Variants in GLT8D2 observed in about 807,000 individuals in gnomAD.
The protein encoded by GLT8D2 is glycosyltransferase 8 domain containing 2, also known as glycosyltransferase 8 domain-containing protein 2.
Under a neutral mutation model 44.5 loss-of-function variants are expected in GLT8D2, and 45 were observed. That is an observed-to-expected ratio of 1.01 (90% CI 0.80 to 1.30). The LOEUF (loss-of-function observed/expected upper bound fraction) is 1.30, where lower values mean the gene tolerates loss of function less well. GLT8D2 is among the 50% of genes most tolerant of loss of function. The pLI, the probability that GLT8D2 is intolerant of heterozygous loss-of-function variation, is 0.00. For synonymous variants in GLT8D2, 156 were observed against 157.2 expected (o/e 0.99, Z 0.06); for missense variants, 400 against 430.4 (o/e 0.93, Z 0.62).
At chr12:104,012,823 A>G in intron 4 of GLT8D2, 1 of 698,054 alleles carries the variant, frequency 1.4e-6, no homozygotes, top group South Asian at 1.5e-5. Context: ...TAAGACTGGT[A>G]TCCTAATAAA....
In GLT8D2 at chr12:104,003,256, TCAC is replaced by T; in HGVS notation, c.160_162del (p.Val54del). On this transcript the variant is annotated inframe_deletion, in exon 5 of 11. Coordinates refer to ENST00000360814, the MANE Select transcript of GLT8D2 (RefSeq NM_001384711.1). ...CCCATCCTCCCTGCTGCAGCACAAA[TCAC>T]CACAGGAATCTCTTCTTCCAGTTCT... 6.2e-7 allele frequency: 1 copy of T among 1,614,098 alleles called. No individual in the cohort carries two copies. The highest frequency in any genetic ancestry group is 8.5e-7 in the Non-Finnish European group (1 of 1,179,998).
chr12:104,033,366 C>A (rs921963869), intron 1 of GLT8D2, among the ~76,000 whole-genome samples: 1 of 151,986 alleles, frequency 6.6e-6, no homozygotes, highest in East Asian at 1.9e-4. Context: ...TATGGGTGAG[C>A]CTGGAGGACA....
chr12:104,012,370 C>G (rs1185499770), intron 4 of GLT8D2, among the ~76,000 whole-genome samples: 1 of 152,044 alleles, frequency 6.6e-6, no homozygotes, highest in African/African-American at 2.4e-5. Flanking sequence ...AAAATTTTAA[C>G]ACTGAATGGA....
chr12:104,029,403 G>A (rs1262536525), intron 1 of GLT8D2, among the ~76,000 whole-genome samples: 2 of 152,164 alleles, frequency 1.3e-5, no homozygotes, highest in African/African-American at 4.8e-5. Flanking sequence ...AATTTCCTGA[G>A]AGAATAAATG....
intron 7 of GLT8D2, 34 bp from the exon 8 acceptor site, chr12:103,996,881 T>C (rs752211940): frequency 2.0e-6 from 3 of 1,480,368 alleles, no homozygotes; most frequent in South Asian, 1.2e-5. Context: ...TAAAACATTA[T>C]AGCATTTGTT....
chr12:103,991,844 AAG>A (rs1872776956), intron 10 of GLT8D2, among the ~76,000 whole-genome samples: 1 of 150,316 alleles, frequency 6.7e-6, no homozygotes, highest in Admixed American at 6.7e-5. Context: ...AAAAAAAAAA[AAG>A]ATTATGGGAC....
chr12:103,993,432 T>C lies in GLT8D2; in HGVS notation c.840A>G (p.Lys280=). Residue 280 remains lysine (K), a synonymous_variant, in exon 10 of 11, where the codon AAA becomes AAG. Coordinates refer to ENST00000360814, the MANE Select transcript of GLT8D2 (RefSeq NM_001384711.1). ...GCCACAGGGGGTTAATTGTGGAATA[T>C]TTCCCATGAAACACAATCAGCATTG... ...TSPMLIVFHG[K]YSTINPLWHI... 6.2e-7 allele frequency: 1 copy of C among 1,614,136 alleles called. No individual in the cohort carries two copies. The highest frequency in any genetic ancestry group is 1.1e-5 in the South Asian group (1 of 91,088).
intron 4 of GLT8D2, among the ~76,000 whole-genome samples, chr12:104,005,794 A>G (rs1165646483): frequency 6.6e-6 from 1 of 152,216 alleles, no homozygotes; most frequent in Non-Finnish European, 1.5e-5. Context: ...GGAACTGTAA[A>G]CTGGTTCAAC....
At chr12:104,004,115 C>T (rs939123960) in intron 4 of GLT8D2, among the ~76,000 whole-genome samples, 1 of 152,084 alleles carries the variant, frequency 6.6e-6, no homozygotes, top group Non-Finnish European at 1.5e-5. Context: ...ATAAATAGAA[C>T]CAAAGACAAA....
chr12:104,045,943 AAGAAAGAAAGAAAATAAGAAAG>A (rs1881092994), intron 1 of GLT8D2, among the ~76,000 whole-genome samples: 1 of 144,838 alleles, frequency 6.9e-6, no homozygotes, highest in Non-Finnish European at 1.5e-5. Context: ...AAGAAAAAGA[AAGAAAGAAAGAAAATAAGAAAG>A]AAAGAAAGAA....
At chr12:104,036,519 C>T (rs1011590297) in intron 1 of GLT8D2, among the ~76,000 whole-genome samples, 10 of 152,052 alleles carry the variant, frequency 6.6e-5, no homozygotes, top group East Asian at 1.9e-4. Flanking sequence ...ATCCTAGTCT[C>T]GGATAAAACA....
chr12:103,999,845 G>A (rs930990994), intron 5 of GLT8D2, among the ~76,000 whole-genome samples: 3 of 152,208 alleles, frequency 2.0e-5, no homozygotes, highest in African/African-American at 4.8e-5. Context: ...TGTGGTTGCT[G>A]GTACTATCTT....
At chr12:104,050,842 TCTC>T (rs1881646713), upstream of GLT8D2, among the ~76,000 whole-genome samples, 1 of 141,486 alleles carries the variant, frequency 7.1e-6, no homozygotes, top group Admixed American at 7.3e-5. Flanking sequence ...TGAGACGGAG[TCTC>T]CCTCTGTCTC....
At chr12:104,015,432 AC>A (rs1566198668) in intron 3 of GLT8D2, among the ~76,000 whole-genome samples, 8 of 151,098 alleles carry the variant, frequency 5.3e-5, no homozygotes, top group Non-Finnish European at 7.4e-5. Context: ...ACACACACAC[AC>A]ACAAATTAGC....
chr12:104,063,010 A>T (rs1413404042), intron 1 of GLT8D2, among the ~76,000 whole-genome samples: 3 of 151,750 alleles, frequency 2.0e-5, no homozygotes, highest in Admixed American at 6.6e-5. Context: ...TAAATTGTGT[A>T]CTCCCTATGA....
chr12:104,006,401 G>T (rs1286072841), intron 4 of GLT8D2, among the ~76,000 whole-genome samples: 1 of 152,002 alleles, frequency 6.6e-6, no homozygotes, highest in East Asian at 1.9e-4. Flanking sequence ...ATAAATAAAA[G>T]AAACTGGCTG....
chr12:104,016,222 G>A (rs912568013), intron 3 of GLT8D2, among the ~76,000 whole-genome samples: 33 of 152,152 alleles, frequency 2.2e-4, no homozygotes, highest in African/African-American at 9.7e-5. Context: ...TGGGTCTGCC[G>A]TATGTGGCTT....
chr12:104,000,604 C>T (rs890431561), intron 5 of GLT8D2, among the ~76,000 whole-genome samples: 1 of 152,148 alleles, frequency 6.6e-6, no homozygotes, highest in African/African-American at 2.4e-5. Context: ...TGGGAAATAG[C>T]CCCTGGCCAA....
intron 4 of GLT8D2, chr12:104,014,352 C>T (rs749900581): frequency 1.9e-5 from 13 of 666,670 alleles, no homozygotes; most frequent in South Asian, 1.6e-4. Context: ...GAGATTCTGT[C>T]TCAAAAAAAA....
Sources: allele counts gnomAD v4.1 joint callset (sites outside exome capture counted in the v4.1 genomes callset), GRCh38; gene constraint gnomAD v4.1.1; transcripts MANE v1.5; gene names NCBI Gene and HGNC (gene_info 2026-07-23, HGNC 2026-07-21).